FALEC: variants seen among roughly 807,000 people sequenced by gnomAD.
FALEC encodes focally amplified lncRNA on chromosome 1.
downstream of FALEC, among the ~76,000 whole-genome samples, chr1:150,522,949 GTATATATATA>G (rs1156284115): frequency 3.7e-4 from 8 of 21,658 alleles, no homozygotes; most frequent in South Asian, 2.8e-3. Context: ...GTGTGTGTGT[GTATATATATA>G]TATATATATA....
At chr1:150,527,624 GA>G in the FALEC span, among the ~76,000 whole-genome samples, 1 of 152,096 alleles carries the variant, frequency 6.6e-6, no homozygotes, top group Admixed American at 6.6e-5. Context: ...GGCTGGTCTG[GA>G]ACCTGGAATT....
At chr1:150,522,022 A>G (rs1348861798), downstream of FALEC, among the ~76,000 whole-genome samples, 2 of 152,146 alleles carry the variant, frequency 1.3e-5, no homozygotes, top group African/African-American at 4.8e-5. Context: ...AGGTGGGCAG[A>G]TCACCTGAGG....
chr1:150,528,161 T>C, the FALEC span, among the ~76,000 whole-genome samples: 1 of 152,144 alleles, frequency 6.6e-6, no homozygotes, highest in Non-Finnish European at 1.5e-5. Context: ...TTTGTGCCCT[T>C]ATAAAAGAGA....
At chr1:150,528,770 G>A in the FALEC span, among the ~76,000 whole-genome samples, 1 of 151,548 alleles carries the variant, frequency 6.6e-6, no homozygotes, top group South Asian at 2.1e-4. Flanking sequence ...CGTATTTTTA[G>A]TACAGATGGG....
chr1:150,519,985 A>C (rs1340283949), downstream of FALEC, among the ~76,000 whole-genome samples: 1 of 152,072 alleles, frequency 6.6e-6, no homozygotes, highest in Non-Finnish European at 1.5e-5. Flanking sequence ...CCTCATCTCT[A>C]CTAAAAATAC....
chr1:150,532,129 G>A, the FALEC span, among the ~76,000 whole-genome samples: 3 of 152,212 alleles, frequency 2.0e-5, no homozygotes, highest in Admixed American at 1.3e-4. Flanking sequence ...GGATGGTCTT[G>A]ATCTCCTGAC....
At chr1:150,529,084 C>T in the FALEC span, among the ~76,000 whole-genome samples, 5 of 144,454 alleles carry the variant, frequency 3.5e-5, no homozygotes, top group East Asian at 4.1e-4. Context: ...AGGATAAATC[C>T]GTGAAAGGTG....
At chr1:150,525,337 C>G in the FALEC span, among the ~76,000 whole-genome samples, 1 of 152,064 alleles carries the variant, frequency 6.6e-6, no homozygotes, top group South Asian at 2.1e-4. Flanking sequence ...TGGTGCCATG[C>G]ACCTGTGGTC....
At chr1:150,526,778 C>T in the FALEC span, among the ~76,000 whole-genome samples, 7 of 151,728 alleles carry the variant, frequency 4.6e-5, no homozygotes, top group Non-Finnish European at 7.4e-5. Flanking sequence ...GGACTACAGG[C>T]GCCCACCACC....
At chr1:150,530,868 C>A in the FALEC span, among the ~76,000 whole-genome samples, 1 of 152,188 alleles carries the variant, frequency 6.6e-6, no homozygotes, top group Non-Finnish European at 1.5e-5. Flanking sequence ...TCCATAACGC[C>A]TTCCTAATTC....
At chr1:150,519,241 G>A (rs2101453964), downstream of FALEC, among the ~76,000 whole-genome samples, 1 of 152,164 alleles carries the variant, frequency 6.6e-6, no homozygotes, top group East Asian at 1.9e-4. Context: ...CTGCTCCCTT[G>A]ATATTTAGAG....
downstream of FALEC, among the ~76,000 whole-genome samples, chr1:150,522,967 A>AT (rs1435955699): frequency 5.6e-4 from 20 of 35,822 alleles, 1 homozygote; most frequent in Non-Finnish European, 8.3e-4. Flanking sequence ...ATATATATAT[A>AT]TATATATATA....
chr1:150,536,525 C>T, the FALEC span, among the ~76,000 whole-genome samples: 1 of 152,182 alleles, frequency 6.6e-6, no homozygotes, highest in African/African-American at 2.4e-5. Flanking sequence ...GGTGCAGTGG[C>T]TCACGCCTAT....
At chr1:150,525,282 G>A in the FALEC span, among the ~76,000 whole-genome samples, 19 of 152,152 alleles carry the variant, frequency 1.2e-4, 1 homozygote, top group South Asian at 3.1e-3. Context: ...GCAAGTGTCC[G>A]TCTCAAAAAC....
At chr1:150,527,229 C>T in the FALEC span, among the ~76,000 whole-genome samples, 1 of 151,914 alleles carries the variant, frequency 6.6e-6, no homozygotes, top group Non-Finnish European at 1.5e-5. Context: ...ATGTGAGCCA[C>T]CACGCCTGGC....
the FALEC span, among the ~76,000 whole-genome samples, chr1:150,536,038 T>C: frequency 6.6e-6 from 1 of 152,186 alleles, no homozygotes; most frequent in Non-Finnish European, 1.5e-5. Flanking sequence ...ACTGAAAAGT[T>C]AATAACATAA....
chr1:150,533,243 A>G, the FALEC span, among the ~76,000 whole-genome samples: 1 of 152,168 alleles, frequency 6.6e-6, no homozygotes, highest in East Asian at 1.9e-4. Flanking sequence ...TCAGGATTGC[A>G]GCAGAGGGCA....
At chr1:150,535,091 A>G in the FALEC span, among the ~76,000 whole-genome samples, 7,760 of 152,150 alleles carry the variant, frequency 0.051, 508 homozygotes, top group African/African-American at 0.14. Context: ...GCACTTGGGT[A>G]AACCAAAGTG....
chr1:150,531,295 G>A, the FALEC span, among the ~76,000 whole-genome samples: 1 of 152,216 alleles, frequency 6.6e-6, no homozygotes, highest in Admixed American at 6.5e-5. Context: ...GGGAGTTAGA[G>A]ACCAGCCTGA....
Sources: allele counts gnomAD v4.1 joint callset (sites outside exome capture counted in the v4.1 genomes callset), GRCh38; gene constraint gnomAD v4.1.1; transcripts MANE v1.5; gene names NCBI Gene and HGNC (gene_info 2026-07-23, HGNC 2026-07-21).